Variants in MYH9 observed in about 807,000 individuals in gnomAD.
The protein encoded by MYH9 is myosin-9.
In MYH9, 29 loss-of-function variants were observed where a neutral mutation model predicts 241.9. The ratio of observed to expected loss-of-function variants is 0.12; its 90% confidence interval spans 0.09 to 0.16. The LOEUF (loss-of-function observed/expected upper bound fraction) is 0.16. Ranked by LOEUF, MYH9 falls within the 10% of genes least tolerant of loss-of-function variation. MYH9 has a pLI of 1.00. For missense variants in MYH9, 1,803 were observed against 2,595.5 expected (o/e 0.69, Z 6.63); for synonymous variants, 1,047 against 1,062.6 (o/e 0.99, Z 0.29).
intron 3 of MYH9, among the ~76,000 whole-genome samples, chr22:36,333,940 T>A (rs1174408654): frequency 6.6e-6 from 1 of 152,088 alleles, no homozygotes; most frequent in Non-Finnish European, 1.5e-5. Flanking sequence ...GTTGGTTTAT[T>A]TCAGGGGATG....
intron 7 of MYH9, 49 bp downstream of exon 7, chr22:36,321,709 G>A (rs755909820): frequency 6.5e-7 from 1 of 1,548,886 alleles, no homozygotes; most frequent in Non-Finnish European, 8.9e-7. Flanking sequence ...CAGAGGTCAT[G>A]CCTCCCCTCC....
Position 36,285,529 on chromosome 22 carries a change from G to A in MYH9, c.5274+129C>T. The A allele has an allele frequency of 6.8e-7, 1 of 1,467,798 alleles. No individual in the cohort carries two copies. The highest frequency in any genetic ancestry group is 9.3e-7 in the Non-Finnish European group (1 of 1,076,450). The allele number at this position is 1,467,798 out of a possible 1,614,324, so 90.9% of individuals were successfully genotyped here. Reference sequence around the variant, plus strand: ...GGGGACCTTTCAGGTCCAGGTGCCTGGACATTTTCCCCTAAGCGCCTGGGG... The same window carrying A: ...GGGGACCTTTCAGGTCCAGGTGCCTAGACATTTTCCCCTAAGCGCCTGGGG... On this transcript the variant is annotated intron_variant, in intron 37 of 40. Coordinates refer to ENST00000216181, the MANE Select transcript of MYH9 (RefSeq NM_002473.6). This position sits in a 1 kb window ranked among gnomAD's most constrained non-coding sequence, Gnocchi z 7.0.
intron 19 of MYH9, among the ~76,000 whole-genome samples, 186 bp from the exon 20 acceptor site, chr22:36,302,862 C>T (rs1243324467): frequency 6.6e-6 from 1 of 152,212 alleles, no homozygotes; most frequent in Admixed American, 6.5e-5. Flanking sequence ...CTGTGTGACT[C>T]CATGAGGCAC....
In MYH9 at chr22:36,293,434, C is replaced by T; in HGVS notation, c.3990G>A (p.Lys1330=). 6.2e-7 allele frequency: 1 copy of T among 1,613,884 alleles called. No homozygotes were observed. Among genetic ancestry groups the T allele is most frequent in the Non-Finnish European group, 8.5e-7 (1 of 1,180,034 alleles). ...ENRQKLSLST[K]LKQVEDEKNS... ...TCTTCTCGTCCTCCACCTGCTTGAG[C>T]TTGGTGCTCAGGCTCAGCTTCTGCC... Residue 1330 remains lysine (K), a synonymous_variant, in exon 30 of 41, where the codon AAG becomes AAA. Transcript: ENST00000216181. This position sits in a 1 kb window ranked among gnomAD's most constrained non-coding sequence, Gnocchi z 5.1.
chr22:36,364,998 CCCACCA>C (rs1437596553), intron 1 of MYH9: 2 of 150,376 alleles, frequency 1.3e-5, no homozygotes, highest in Admixed American at 6.6e-5. Flanking sequence ...CACCCCCACC[CCCACCA>C]GCCCCTACTT....
Position 36,300,541 on chromosome 22 carries a change from C to T in MYH9, c.2839-277G>A, listed in dbSNP as rs2016860441. On this transcript the variant is annotated intron_variant, in intron 22 of 40. Coordinates refer to ENST00000216181, the MANE Select transcript of MYH9 (RefSeq NM_002473.6). The surrounding 1 kb of genome is among the most constrained non-coding windows in gnomAD (Gnocchi z 5.0). The stretch of plus-strand genomic sequence containing the variant: ...TGAAGGGTTTCCTGCAGCAAGCTCC[C>T]ACCCATGAAACAGGCAGGACGCAGA... Among the ~76,000 whole-genome samples, 1 of 152,240 alleles carries T rather than the reference C, an allele frequency of 6.6e-6. No homozygotes were observed. Among genetic ancestry groups the T allele is most frequent in the South Asian group, 2.1e-4 (1 of 4,836 alleles).
At position 36,288,862 on chromosome 22, in the gene MYH9, CTCCAGCTCT is replaced by C; in HGVS notation, c.4626_4634del (p.Glu1543_Glu1545del). ...CATCTTCGGTGGCCTGCAGCTCGTCCTCCAGCTCTTCCAGCTGCGTCTTCATCTCCTCCA... is the reference window on the plus strand; with the variant it reads ...CATCTTCGGTGGCCTGCAGCTCGTCCTCCAGCTGCGTCTTCATCTCCTCCA... On this transcript the variant is annotated inframe_deletion, in exon 33 of 41. Transcript: ENST00000216181. The surrounding 1 kb of genome is among the most constrained non-coding windows in gnomAD (Gnocchi z 4.8). The C allele has an allele frequency of 6.2e-7, 1 of 1,614,078 alleles. No homozygotes were observed. Among genetic ancestry groups the C allele is most frequent in the Non-Finnish European group, 8.5e-7 (1 of 1,180,024 alleles).
chr22:36,348,837 A>AACCCCCCCCCCCCCCCCCCCC, intron 2 of MYH9, 67 bp downstream of exon 2: 2 of 539,140 alleles, frequency 3.7e-6, no homozygotes, highest in South Asian at 1.7e-5. Flanking sequence ...TGATGGGAAG[A>AACCCCCCCCCCCCCCCCCCCC]CCCGCCCCCC....
At chr22:36,290,286 G>C (rs554183741) in intron 31 of MYH9, among the ~76,000 whole-genome samples, 158 of 144,928 alleles carry the variant, frequency 1.1e-3, no homozygotes, top group African/African-American at 4.0e-3. Context: ...GATCACTTGA[G>C]CTGTGGTTGC....
At chr22:36,359,427 G>A (rs1247350414) in intron 1 of MYH9, among the ~76,000 whole-genome samples, 1 of 152,218 alleles carries the variant, frequency 6.6e-6, no homozygotes, top group Non-Finnish European at 1.5e-5. Flanking sequence ...GGTAACAGGA[G>A]AGCCAAGTTG....
chr22:36,310,286 G>A (rs1050980612), intron 14 of MYH9, among the ~76,000 whole-genome samples: 111 of 132,700 alleles, frequency 8.4e-4, no homozygotes, highest in African/African-American at 2.4e-3. Context: ...AAAAAAAAAA[G>A]ATAGAGATAG....
At chr22:36,286,608 C>T in intron 35 of MYH9, 110 bp downstream of exon 35, 1 of 1,504,802 alleles carries the variant, frequency 6.6e-7, no homozygotes, top group Non-Finnish European at 9.1e-7. Flanking sequence ...CATCCCCAGC[C>T]AATTCCTGGA....
intron 10 of MYH9, among the ~76,000 whole-genome samples, chr22:36,319,028 CT>C (rs1032273732): frequency 6.6e-6 from 1 of 152,178 alleles, no homozygotes; most frequent in Non-Finnish European, 1.5e-5. Context: ...TCCCAAACTG[CT>C]GGGATTACAG....
intron 1 of MYH9, among the ~76,000 whole-genome samples, chr22:36,374,480 A>G (rs1271053889): frequency 1.3e-5 from 2 of 152,250 alleles, no homozygotes; most frequent in East Asian, 1.9e-4. Flanking sequence ...AGATTGTGAC[A>G]GTACACTCCA....
At chr22:36,282,928 T>C (rs1442202310) in intron 40 of MYH9, 143 bp from the exon 41 acceptor site, 3 of 735,144 alleles carry the variant, frequency 4.1e-6, no homozygotes, top group Non-Finnish European at 6.7e-6. Context: ...AAGTGGAGTC[T>C]TGGGAGCCAC....
intron 2 of MYH9, among the ~76,000 whole-genome samples, chr22:36,347,035 G>C (rs565800360): frequency 6.6e-6 from 1 of 152,244 alleles, no homozygotes; most frequent in Admixed American, 6.5e-5. Flanking sequence ...ATAATAACAA[G>C]CAGATATTTC....
At chr22:36,340,223 G>A (rs1020307660) in intron 3 of MYH9, among the ~76,000 whole-genome samples, 1 of 150,560 alleles carries the variant, frequency 6.6e-6, no homozygotes, top group Non-Finnish European at 1.5e-5. Context: ...CAAAGACCGC[G>A]ATTACTTTTG....
At chr22:36,346,151 C>CAAAAA (rs56232061) in intron 2 of MYH9, among the ~76,000 whole-genome samples, 2,951 of 121,154 alleles carry the variant, frequency 0.024, 96 homozygotes, top group African/African-American at 0.084. Context: ...GACTCCGTCT[C>CAAAAA]AAAAAAAAAA....
intron 10 of MYH9, 135 bp downstream of exon 10, chr22:36,319,405 T>C (rs1288766076): frequency 1.2e-6 from 1 of 846,354 alleles, no homozygotes; most frequent in African/African-American, 1.7e-5. Flanking sequence ...GTGTTTTACA[T>C]CTGTATAGAA....
Sources: gnomAD v4.1 joint callset for allele counts (sites outside exome capture counted in the v4.1 genomes callset) on GRCh38, gnomAD v4.1.1 for gene constraint, Gnocchi (gnomAD v3.1) non-coding constraint, MANE v1.5 for transcripts, NCBI Gene and HGNC (gene_info 2026-07-23, HGNC 2026-07-21) for gene names.